Variants in PAK3 observed in about 807,000 individuals in gnomAD.
PAK3 encodes the protein p21 (RAC1) activated kinase 3.
PAK3 carries 4 observed loss-of-function variants against 41.0 expected under a neutral mutation model. The observed-to-expected ratio is 0.10, with a 90% CI of 0.05 to 0.22. PAK3 has a LOEUF of 0.22. Ranked by LOEUF, PAK3 falls within the 10% of genes least tolerant of loss-of-function variation. The pLI, the probability that PAK3 is intolerant of heterozygous loss-of-function variation, is 1.00. For missense variants in PAK3, 205 were observed against 409.9 expected, an observed-to-expected ratio of 0.50 and a Z score of 4.32; for synonymous variants, 146 against 139.6, an observed-to-expected ratio of 1.05 and a Z score of -0.32.
chrX:111,171,275 C>T (rs771839742), intron 10 of PAK3, among the ~76,000 whole-genome samples: 33 of 111,432 alleles, frequency 3.0e-4, no homozygotes, highest in Non-Finnish European at 4.9e-4. Flanking sequence ...CCTTACCAAC[C>T]AACTGTACAC....
intron 16 of PAK3, among the ~76,000 whole-genome samples, chrX:111,214,429 C>T (rs774422427): frequency 7.1e-4 from 79 of 111,624 alleles, no homozygotes; most frequent in African/African-American, 2.5e-3. Flanking sequence ...TAACTCTCCC[C>T]AAGTGATTCT....
intron 4 of PAK3, among the ~76,000 whole-genome samples, chrX:111,118,837 A>G (rs1199555736): frequency 8.9e-6 from 1 of 112,314 alleles, no homozygotes; most frequent in African/African-American, 3.2e-5. Flanking sequence ...TTATTATTCT[A>G]CAGTTTGCAG....
chrX:110,969,450 A>ATTTTTTTT (rs35064494), intron 1 of PAK3, among the ~76,000 whole-genome samples: 2 of 47,360 alleles, frequency 4.2e-5, no homozygotes, highest in Non-Finnish European at 3.8e-5. Flanking sequence ...GACGTGGCTA[A>ATTTTTTTT]TTTTTTTTTT....
At chrX:111,075,781 G>C (rs1001605073) in intron 1 of PAK3, among the ~76,000 whole-genome samples, 2 of 112,642 alleles carry the variant, frequency 1.8e-5, no homozygotes, top group Non-Finnish European at 3.8e-5. Context: ...AGAGCCACAA[G>C]CACTGGACTC....
intron 13 of PAK3, among the ~76,000 whole-genome samples, chrX:111,193,703 T>C (rs2094582900): frequency 9.1e-6 from 1 of 110,158 alleles, no homozygotes; most frequent in Non-Finnish European, 1.9e-5. Context: ...AGGAACCACC[T>C]GCAACAGAGT....
chrX:111,049,407 C>G (rs1405250998), intron 1 of PAK3, among the ~76,000 whole-genome samples: 1 of 112,281 alleles, frequency 8.9e-6, no homozygotes, highest in Non-Finnish European at 1.9e-5. Context: ...CCTTGTATCT[C>G]CCATGCCTGG....
intron 1 of PAK3, among the ~76,000 whole-genome samples, chrX:111,042,464 A>C (rs1444038017): frequency 8.9e-6 from 1 of 111,865 alleles, no homozygotes. Flanking sequence ...AGAGTAGAGC[A>C]TTAAACCAAG....
chrX:111,220,806 A>T lies in PAK3; in HGVS notation c.*359A>T, dbSNP rs778181225. The stretch of plus-strand genomic sequence containing the variant: ...TGTTGTGTTTGTTTTTAAGTTAGAG[A>T]GTAGTCCCTCTTGCATTCAAACCTC... On this transcript the variant is annotated 3_prime_UTR_variant, in exon 18 of 18. Coordinates refer to ENST00000372007, the MANE Select transcript of PAK3 (RefSeq NM_002578.5). 16 of 172,701 alleles carry T rather than the reference A, an allele frequency of 9.3e-5. No individual in the cohort carries two copies. The highest frequency in any genetic ancestry group is 1.7e-4 in the Non-Finnish European group (16 of 92,543). The allele number at this position is 172,701 out of a possible 1,213,427, so 14.2% of individuals were successfully genotyped here.
At chrX:111,202,725 T>C (rs1002801668) in intron 16 of PAK3, among the ~76,000 whole-genome samples, 1 of 111,871 alleles carries the variant, frequency 8.9e-6, no homozygotes, top group Admixed American at 9.5e-5. Context: ...CTTTTACACG[T>C]AATGGGGCTA....
At chrX:110,957,776 A>T (rs2090895821) in intron 1 of PAK3, among the ~76,000 whole-genome samples, 2 of 111,557 alleles carry the variant, frequency 1.8e-5, no homozygotes, top group Admixed American at 1.9e-4. Context: ...TCTTTCTTTC[A>T]TTCCTTTAGT....
intron 7 of PAK3, among the ~76,000 whole-genome samples, chrX:111,150,650 C>T (rs150079347): frequency 0.016 from 1,755 of 111,123 alleles, 46 homozygotes; most frequent in African/African-American, 0.055. Context: ...TGGGAAAGAC[C>T]GGCCACTATA....
At chrX:111,028,556 C>CA (rs887769807) in intron 1 of PAK3, among the ~76,000 whole-genome samples, 3 of 107,234 alleles carry the variant, frequency 2.8e-5, no homozygotes, top group Admixed American at 9.9e-5. Flanking sequence ...AATAATTTAA[C>CA]AAAAAAAAAG....
chrX:110,961,663 G>T (rs2090980480), intron 1 of PAK3, among the ~76,000 whole-genome samples: 1 of 111,630 alleles, frequency 9.0e-6, no homozygotes, highest in South Asian at 3.8e-4. Context: ...TCACTTGCTA[G>T]CTACTGCCCT....
chrX:111,137,616 A>G (rs1229795497), intron 5 of PAK3, among the ~76,000 whole-genome samples: 1 of 111,743 alleles, frequency 8.9e-6, no homozygotes, highest in Non-Finnish European at 1.9e-5. Context: ...GTGGGCATAT[A>G]AAAGGTGATA....
At chrX:111,208,677 G>A (rs2094783088) in intron 16 of PAK3, among the ~76,000 whole-genome samples, 1 of 111,991 alleles carries the variant, frequency 8.9e-6, no homozygotes, top group South Asian at 3.8e-4. Context: ...TTGTGTAAGT[G>A]CACTCTATGA....
At chrX:111,124,579 C>A (rs890855676) in intron 5 of PAK3, among the ~76,000 whole-genome samples, 1 of 112,100 alleles carries the variant, frequency 8.9e-6, no homozygotes, top group Non-Finnish European at 1.9e-5. Context: ...TTAGTGCTAT[C>A]GAGAGTGTCA....
intron 10 of PAK3, among the ~76,000 whole-genome samples, chrX:111,170,129 G>T (rs1227430968): frequency 9.0e-6 from 1 of 110,699 alleles, no homozygotes; most frequent in African/African-American, 3.3e-5. Context: ...AATGAGGAAG[G>T]AACACATTCA....
At position 111,165,886 on chromosome X, in the gene PAK3, T is replaced by C. The variant is rs934956641; in HGVS notation, c.766+2159T>C. ...AGTGGTGCTAGAGCTGTGTCCTTAT[T>C]ATTTTGTTTATTCTGCTCTACACTG... On this transcript the variant is annotated intron_variant, in intron 10 of 17. Coordinates refer to ENST00000372007, the MANE Select transcript of PAK3 (RefSeq NM_002578.5). 4.5e-5 allele frequency among the ~76,000 whole-genome samples: 5 copies of C among 112,022 alleles called. No individual in the cohort carries two copies. The East Asian group carries it at 1.4e-3, about 32-fold the overall frequency.
intron 1 of PAK3, among the ~76,000 whole-genome samples, chrX:111,020,092 G>A (rs989696604): frequency 8.9e-6 from 1 of 112,155 alleles, no homozygotes; most frequent in African/African-American, 3.2e-5. Flanking sequence ...ATTGAAAGCA[G>A]GGACTTCAGT....
Sources: gnomAD v4.1 joint callset for allele counts (sites outside exome capture counted in the v4.1 genomes callset) on GRCh38, gnomAD v4.1.1 for gene constraint, MANE v1.5 for transcripts, NCBI Gene and HGNC (gene_info 2026-07-23, HGNC 2026-07-21) for gene names.